The following GLYATL2 variants were observed in gnomAD, a reference collection of about 807,000 sequenced individuals.
The protein encoded by GLYATL2 is glycine-N-acyltransferase like 2.
GLYATL2 carries 25 observed loss-of-function variants against 21.4 expected under a neutral mutation model. That is an observed-to-expected ratio of 1.17 (90% CI 0.85 to 1.63). The LOEUF is 1.63. GLYATL2 is among the 40% of genes most tolerant of loss of function. GLYATL2 has a pLI of 0.00. For synonymous variants in GLYATL2, 114 were observed against 118.2 expected (o/e 0.96, Z 0.23); for missense variants, 361 against 343.3 (o/e 1.05, Z -0.41).
At chr11:58,840,021 A>C (rs11229656) in intron 1 of GLYATL2, among the ~76,000 whole-genome samples, 39,313 of 151,824 alleles carry the variant, frequency 0.26, 5,545 homozygotes, top group East Asian at 0.5. Flanking sequence ...TGGAGAGCCC[A>C]CCACCCCCAA....
intron 1 of GLYATL2, among the ~76,000 whole-genome samples, chr11:58,886,912 G>A (rs1854451997): frequency 6.6e-6 from 1 of 152,194 alleles, no homozygotes; most frequent in Non-Finnish European, 1.5e-5. Context: ...AGGAACAAAG[G>A]GGTAAAGGGG....
chr11:58,874,976 T>A (rs1311235836), intron 1 of GLYATL2, among the ~76,000 whole-genome samples: 1 of 152,264 alleles, frequency 6.6e-6, no homozygotes, highest in Non-Finnish European at 1.5e-5. Context: ...GGTGCTCCTA[T>A]ATTGGGTGCA....
At position 58,875,812 on chromosome 11, in the gene GLYATL2, A is replaced by G. The variant is rs530215372; in HGVS notation, n.60+28344T>C. ...GGAGTATATTTGTGGCATTCTCTGTATTTCCTGAATCTGAATGTTGGCCTG... is the reference window on the plus strand; with the variant it reads ...GGAGTATATTTGTGGCATTCTCTGTGTTTCCTGAATCTGAATGTTGGCCTG... On this transcript the variant is annotated intron_variant and non_coding_transcript_variant, in intron 1 of 4. Coordinates refer to the GLYATL2 transcript ENST00000533636. 1.4e-3 allele frequency among the ~76,000 whole-genome samples: 212 copies of G among 152,218 alleles called. 1 individual carries two copies. The highest frequency in any genetic ancestry group is 4.8e-3 in the African/African-American group (201 of 41,512).
At chr11:58,846,031 G>A (rs1158387894), upstream of GLYATL2, among the ~76,000 whole-genome samples, 1 of 152,004 alleles carries the variant, frequency 6.6e-6, no homozygotes, top group Non-Finnish European at 1.5e-5. Context: ...ATTCATAATT[G>A]TAAACGATTA....
intron 1 of GLYATL2, among the ~76,000 whole-genome samples, chr11:58,854,792 C>T (rs1156613336): frequency 1.3e-5 from 2 of 152,236 alleles, no homozygotes; most frequent in Non-Finnish European, 2.9e-5. Context: ...AATAGATTTA[C>T]ATAACATTAG....
chr11:58,899,784 C>G (rs965457880), intron 1 of GLYATL2, among the ~76,000 whole-genome samples: 2 of 151,838 alleles, frequency 1.3e-5, no homozygotes, highest in African/African-American at 4.8e-5. Context: ...TTAAGTGTGC[C>G]TAATATTTAT....
At chr11:58,837,675 G>A (rs549359239) in intron 3 of GLYATL2, among the ~76,000 whole-genome samples, 24 of 152,286 alleles carry the variant, frequency 1.6e-4, no homozygotes, top group African/African-American at 3.1e-4. Flanking sequence ...TGTATGTTAA[G>A]CATTTAAAAG....
At chr11:58,850,995 T>A (rs1853731439) in intron 1 of GLYATL2, among the ~76,000 whole-genome samples, 1 of 152,180 alleles carries the variant, frequency 6.6e-6, no homozygotes, top group Admixed American at 6.5e-5. Context: ...GAGCATAGAA[T>A]AAATAATGGC....
chr11:58,871,604 G>A (rs1363711638), intron 1 of GLYATL2, among the ~76,000 whole-genome samples: 1 of 152,060 alleles, frequency 6.6e-6, no homozygotes, highest in African/African-American at 2.4e-5. Context: ...CCCTAAAAAC[G>A]ACATGAACTC....
chr11:58,859,125 C>A (rs1219788172), intron 1 of GLYATL2, among the ~76,000 whole-genome samples: 3 of 152,258 alleles, frequency 2.0e-5, no homozygotes, highest in Admixed American at 2.0e-4. Flanking sequence ...ATCCCCCTGG[C>A]CCCCAACTGC....
intron 1 of GLYATL2, among the ~76,000 whole-genome samples, chr11:58,897,257 A>G (rs1362210663): frequency 3.3e-5 from 5 of 152,202 alleles, no homozygotes; most frequent in African/African-American, 1.2e-4. Flanking sequence ...CCTCACCCTG[A>G]AGGAGCTCCC....
chr11:58,873,760 G>A (rs947124580), intron 1 of GLYATL2, among the ~76,000 whole-genome samples: 3 of 152,028 alleles, frequency 2.0e-5, no homozygotes, highest in Non-Finnish European at 4.4e-5. Flanking sequence ...TTTTTGTTGT[G>A]TCTCTGCCAG....
chr11:58,877,540 G>T (rs976425001), intron 1 of GLYATL2, among the ~76,000 whole-genome samples: 1 of 152,212 alleles, frequency 6.6e-6, no homozygotes, highest in Non-Finnish European at 1.5e-5. Flanking sequence ...AAATTGGGGA[G>T]AAAAGAAGGG....
At chr11:58,856,594 T>C (rs1853831353) in intron 1 of GLYATL2, among the ~76,000 whole-genome samples, 1 of 152,048 alleles carries the variant, frequency 6.6e-6, no homozygotes, top group Non-Finnish European at 1.5e-5. Context: ...GATCATTGTA[T>C]GGTTTATAAC....
upstream of GLYATL2, among the ~76,000 whole-genome samples, chr11:58,845,400 A>T (rs1853625208): frequency 6.6e-6 from 1 of 152,178 alleles, no homozygotes; most frequent in African/African-American, 2.4e-5. Flanking sequence ...CAAAAACTTG[A>T]TACAAGCCAG....
intron 1 of GLYATL2, among the ~76,000 whole-genome samples, chr11:58,903,445 A>G (rs2134631547): frequency 6.6e-6 from 1 of 152,216 alleles, no homozygotes; most frequent in South Asian, 2.1e-4. Flanking sequence ...GGCTGAGGCA[A>G]GCAGAGCACC....
In GLYATL2 at chr11:58,837,018, T is replaced by C. The variant is rs780744066; in HGVS notation, c.473A>G (p.Asn158Ser). 6.2e-7 allele frequency: 1 copy of C among 1,611,676 alleles called. No homozygotes were observed. The highest frequency in any genetic ancestry group is 8.5e-7 in the Non-Finnish European group (1 of 1,179,114). ...GAAGCAAAAGGTAAAATCTCACTTG[T>C]TATCATCATCCACTTCAAATAACTC... ...KMELFEVDDD[N>S]KEGNFSNMFL... Residue 158 changes from asparagine (N) to serine (S), a missense_variant, in exon 5 of 6, where the codon AAC becomes AGC. By Grantham distance (46) the Asn-to-Ser change is conservative (BLOSUM62 1). Transcript: ENST00000287275.
chr11:58,871,400 C>T (rs1854116395), intron 1 of GLYATL2, among the ~76,000 whole-genome samples: 1 of 151,836 alleles, frequency 6.6e-6, no homozygotes, highest in Non-Finnish European at 1.5e-5. Context: ...CATCATTTAG[C>T]ATTAGGTATA....
chr11:58,839,333 A>C (rs1191812665), intron 2 of GLYATL2, among the ~76,000 whole-genome samples: 1 of 152,218 alleles, frequency 6.6e-6, no homozygotes, highest in Non-Finnish European at 1.5e-5. Context: ...AGATAGCAGA[A>C]GGATAAATTC....
Sources: allele counts gnomAD v4.1 joint callset (sites outside exome capture counted in the v4.1 genomes callset), GRCh38; gene constraint gnomAD v4.1.1; transcripts MANE v1.5; gene names NCBI Gene and HGNC (gene_info 2026-07-23, HGNC 2026-07-21).